Variants in MVB12B observed in about 807,000 individuals in gnomAD.
MVB12B encodes the protein ESCRT-I complex subunit MVB12B.
In MVB12B, 16 loss-of-function variants were observed where a neutral mutation model predicts 41.6. The ratio of observed to expected loss-of-function variants is 0.38; its 90% CI spans 0.26 to 0.58. MVB12B has a LOEUF of 0.58. Ranked by LOEUF, MVB12B falls within the 20% of genes least tolerant of loss-of-function variation. MVB12B has a pLI of 0.62. For synonymous variants in MVB12B, 133 were observed against 139.7 expected (o/e 0.95, Z 0.34); for missense variants, 274 against 380.2 (o/e 0.72, Z 2.32).
At chr9:126,471,307 G>A (rs1167044954) in intron 7 of MVB12B, among the ~76,000 whole-genome samples, 1 of 152,190 alleles carries the variant, frequency 6.6e-6, no homozygotes, top group African/African-American at 2.4e-5. Flanking sequence ...TAAGTGACTT[G>A]CCCAAAGCCA....
At chr9:126,431,699 T>C (rs1832336793) in intron 7 of MVB12B, among the ~76,000 whole-genome samples, 1 of 152,124 alleles carries the variant, frequency 6.6e-6, no homozygotes, top group Non-Finnish European at 1.5e-5. Context: ...GGGTTAAATC[T>C]GTGGTCCAGG....
chr9:126,421,793 C>A, intron 6 of MVB12B, 61 bp from the exon 7 acceptor site: 1 of 1,311,056 alleles, frequency 7.6e-7, no homozygotes, highest in Non-Finnish European at 1.1e-6. Flanking sequence ...GGCGTCAGTG[C>A]TTCCTGAGTC....
intron 9 of MVB12B, among the ~76,000 whole-genome samples, chr9:126,489,026 G>A (rs1833677970): frequency 6.6e-6 from 1 of 152,240 alleles, no homozygotes; most frequent in South Asian, 2.1e-4. Context: ...GAGCTGCCCA[G>A]CACTGATTGA....
intron 2 of MVB12B, among the ~76,000 whole-genome samples, chr9:126,373,789 A>G (rs1830406924): frequency 6.6e-6 from 1 of 152,172 alleles, no homozygotes; most frequent in South Asian, 2.1e-4. Context: ...CACCCCATCA[A>G]ATGAAGTATT....
intron 9 of MVB12B, among the ~76,000 whole-genome samples, chr9:126,498,825 G>A (rs962150538): frequency 6.6e-6 from 1 of 152,224 alleles, no homozygotes; most frequent in African/African-American, 2.4e-5. Context: ...GAGGGAGGAG[G>A]CTGGAGGGGC....
Position 126,478,600 on chromosome 9 carries a change from G to C in MVB12B, c.758-2769G>C, listed in dbSNP as rs1833465255. ...AGGGAGGGAAGGGATGGGTAAGCCGGGAAGAGGGTCAGGTGCAAGGGGCCA... is the reference window on the plus strand; with the variant it reads ...AGGGAGGGAAGGGATGGGTAAGCCGCGAAGAGGGTCAGGTGCAAGGGGCCA... On this transcript the variant is annotated intron_variant, in intron 7 of 9. Coordinates refer to ENST00000361171, the MANE Select transcript of MVB12B (RefSeq NM_033446.3). The surrounding 1 kb of genome is among the most constrained non-coding windows in gnomAD (Gnocchi z 4.2). Among the ~76,000 whole-genome samples the C allele has an allele frequency of 6.6e-6, 1 of 152,178 alleles. No homozygotes were observed. The highest frequency in any genetic ancestry group is 2.4e-5 in the African/African-American group (1 of 41,434).
intron 7 of MVB12B, among the ~76,000 whole-genome samples, chr9:126,454,449 A>G (rs904052064): frequency 5.9e-5 from 9 of 152,200 alleles, no homozygotes; most frequent in Non-Finnish European, 1.3e-4. Context: ...CTGTGTAGGC[A>G]TTGTTTACCA....
intron 7 of MVB12B, among the ~76,000 whole-genome samples, chr9:126,463,545 A>G (rs1833134858): frequency 6.6e-6 from 1 of 152,234 alleles, no homozygotes; most frequent in Non-Finnish European, 1.5e-5. Flanking sequence ...ACTCTGTGGC[A>G]GGTCTCTCTT....
Position 126,336,754 on chromosome 9 carries a change from G to GCACACACACACACACA in MVB12B, c.82-3742_82-3727dup, listed in dbSNP as rs113110128. Among the ~76,000 whole-genome samples the GCACACACACACACACA allele has an allele frequency of 2.4e-4, 36 of 150,400 alleles. 1 individual carries two copies. The East Asian group carries it at 3.8e-3, about 16-fold the overall frequency. On this transcript the variant is annotated intron_variant, in intron 1 of 9. Transcript: ENST00000361171. ...CGCACATACATGTTTGTGTGTGCAC[G>GCACACACACACACACA]CACACACACACACACACACACACAC...
In MVB12B at chr9:126,505,169, A is replaced by G. The variant is rs1834040509; in HGVS notation, c.*1906A>G. The G allele has an allele frequency of 6.6e-6, 1 of 152,286 alleles. No homozygotes were observed. Among genetic ancestry groups the G allele is most frequent in the Non-Finnish European group, 1.5e-5 (1 of 68,094 alleles). The allele number at this position is 152,286 out of a possible 1,614,324, so 9.4% of individuals were successfully genotyped here. On this transcript the variant is annotated 3_prime_UTR_variant, in exon 10 of 10. Transcript: ENST00000361171. ...CCCTGGTTGTGAGATTGCCTCTAAC[A>G]GGTAATGCCAGGGGCCCTTCACTCC... is the stretch of plus-strand genomic sequence containing the variant.
intron 6 of MVB12B, among the ~76,000 whole-genome samples, chr9:126,404,705 G>C (rs752677041): frequency 1.3e-5 from 2 of 152,208 alleles, no homozygotes; most frequent in Admixed American, 6.5e-5. Flanking sequence ...TGTGGTCGCC[G>C]ACTGAGGGAA....
intron 5 of MVB12B, among the ~76,000 whole-genome samples, chr9:126,394,971 G>T (rs1357002993): frequency 1.3e-5 from 2 of 152,114 alleles, no homozygotes; most frequent in African/African-American, 4.8e-5. Context: ...TGTGGTGACT[G>T]CGAGGGAGGT....
intron 6 of MVB12B, among the ~76,000 whole-genome samples, chr9:126,407,633 G>T (rs76341246): frequency 0.045 from 6,819 of 151,842 alleles, 195 homozygotes; most frequent in Middle Eastern, 0.075. Flanking sequence ...CCCCACCGAC[G>T]CCCTCACAAC....
At chr9:126,485,720 A>AGT (rs2119212364) in intron 9 of MVB12B, among the ~76,000 whole-genome samples, 1 of 152,102 alleles carries the variant, frequency 6.6e-6, no homozygotes, top group East Asian at 1.9e-4. Context: ...GCTGGAACAC[A>AGT]TCTGGCAGCC....
At chr9:126,474,999 C>T (rs370250335) in intron 7 of MVB12B, among the ~76,000 whole-genome samples, 40 of 152,302 alleles carry the variant, frequency 2.6e-4, no homozygotes, top group East Asian at 1.4e-3. Flanking sequence ...TATGATGCTC[C>T]GTTTAAATAG....
chr9:126,490,746 G>A (rs1226197480), intron 9 of MVB12B, among the ~76,000 whole-genome samples: 1 of 152,348 alleles, frequency 6.6e-6, no homozygotes, highest in South Asian at 2.1e-4. Flanking sequence ...ATGGGCTGCT[G>A]TTTGCAGACA....
At chr9:126,452,035 AC>A (rs1832898100) in intron 7 of MVB12B, among the ~76,000 whole-genome samples, 1 of 152,060 alleles carries the variant, frequency 6.6e-6, no homozygotes, top group South Asian at 2.1e-4. Context: ...CGTACCATCA[AC>A]CCCATTCCCA....
intron 7 of MVB12B, among the ~76,000 whole-genome samples, chr9:126,476,433 G>T (rs539492688): frequency 6.6e-6 from 1 of 152,366 alleles, no homozygotes; most frequent in Non-Finnish European, 1.5e-5. Flanking sequence ...CCCACTGGGA[G>T]GTGGGGTGAG....
At chr9:126,365,139 C>T (rs1418791654) in intron 2 of MVB12B, among the ~76,000 whole-genome samples, 3 of 151,424 alleles carry the variant, frequency 2.0e-5, no homozygotes, top group Non-Finnish European at 4.4e-5. Context: ...CTGCAACCTC[C>T]GCCTCCCAGG....
Sources: gnomAD v4.1 joint callset for allele counts (sites outside exome capture counted in the v4.1 genomes callset) on GRCh38, gnomAD v4.1.1 for gene constraint, Gnocchi (gnomAD v3.1) non-coding constraint, MANE v1.5 for transcripts, NCBI Gene and HGNC (gene_info 2026-07-23, HGNC 2026-07-21) for gene names.